PRUNE2: variants seen among roughly 807,000 people sequenced by gnomAD.
The protein encoded by PRUNE2 is protein prune homolog 2.
In PRUNE2, 164 loss-of-function variants were observed where a neutral mutation model predicts 252.0. The observed-to-expected ratio is 0.65, with a 90% confidence interval of 0.57 to 0.74. The LOEUF is 0.74. Ranked by LOEUF, PRUNE2 falls within the 30% of genes least tolerant of loss-of-function variation. The probability of loss-of-function intolerance (pLI) is 0.00; values close to 1 mark genes in which losing one functional copy is unlikely to be tolerated. For synonymous variants in PRUNE2, 1,292 were observed against 1,350.2 expected, an observed-to-expected ratio of 0.96 and a Z score of 0.94; for missense variants, 3,495 against 3,711.0, an observed-to-expected ratio of 0.94 and a Z score of 1.51.
chr9:76,878,850 C>A (rs2061602961), intron 1 of PRUNE2, among the ~76,000 whole-genome samples: 1 of 152,168 alleles, frequency 6.6e-6, no homozygotes, highest in Admixed American at 6.5e-5. Flanking sequence ...ACAAAGACTT[C>A]CCTTCTAGTC....
Position 76,710,532 on chromosome 9 carries a change from G to A in PRUNE2, c.1742C>T (p.Ser581Phe), listed in dbSNP as rs1564121680. ...ATCTGTCAGGCTCAAATTTCTTTCAGAGTTATCTCTGGGACTGTCTTGTCT... is the reference window on the plus strand; with the variant it reads ...ATCTGTCAGGCTCAAATTTCTTTCAAAGTTATCTCTGGGACTGTCTTGTCT... ...VQRQDSPRDN[S>F]ERNLSLTDFV... The change falls in exon 8 of 19, where the codon TCT (serine) becomes TTT (phenylalanine). Residue 581 changes from serine (S) to phenylalanine (F), a missense_variant. By Grantham distance (155) the Ser-to-Phe change is radical. Coordinates refer to ENST00000376718, the MANE Select transcript of PRUNE2 (RefSeq NM_015225.3). The A allele has an allele frequency of 1.2e-6, 2 of 1,613,964 alleles. No homozygotes were observed. The highest frequency in any genetic ancestry group is 4.5e-5 in the East Asian group (2 of 44,876).
chr9:76,793,357 T>C (rs988125716), intron 6 of PRUNE2, among the ~76,000 whole-genome samples: 5 of 152,196 alleles, frequency 3.3e-5, no homozygotes, highest in Non-Finnish European at 5.9e-5. Flanking sequence ...TGTAAATGTG[T>C]TCTGTAAAGG....
chr9:76,839,752 G>A (rs1179758643), intron 4 of PRUNE2, among the ~76,000 whole-genome samples: 2 of 152,234 alleles, frequency 1.3e-5, no homozygotes. Context: ...GTCAAAGAGA[G>A]GCAGAATGGA....
At chr9:76,901,541 T>A (rs1391684451) in intron 1 of PRUNE2, among the ~76,000 whole-genome samples, 3 of 152,224 alleles carry the variant, frequency 2.0e-5, no homozygotes, top group Non-Finnish European at 4.4e-5. Context: ...TTTCTTCCCA[T>A]GCAAGAGGAA....
chr9:76,706,514 G>C lies in PRUNE2; in HGVS notation c.5760C>G (p.Asp1920Glu), dbSNP rs1018183013. The change falls in exon 8 of 19, where the codon GAC becomes GAG. Residue 1920 changes from aspartate to glutamate, a missense_variant. Transcript: ENST00000376718. The part of the protein sequence containing the change: ...IQPRQPDPDA[D>E]KFSQLVKLDQ... Reference sequence around the variant, plus strand: ...CTAATTTTACAAGCTGGCTGAACTTGTCAGCATCTGGGTCTGGCTGCCTTG... The same window carrying C: ...CTAATTTTACAAGCTGGCTGAACTTCTCAGCATCTGGGTCTGGCTGCCTTG... 6.2e-7 allele frequency: 1 copy of C among 1,613,962 alleles called. No homozygotes were observed. The highest frequency in any genetic ancestry group is 8.5e-7 in the Non-Finnish European group (1 of 1,179,894).
At chr9:76,785,342 G>A (rs952999901) in intron 6 of PRUNE2, 2 of 152,188 alleles carry the variant, frequency 1.3e-5, no homozygotes, top group Non-Finnish European at 2.9e-5. Context: ...AGTGTAATTT[G>A]ATTATAAGAG....
intron 9 of PRUNE2, among the ~76,000 whole-genome samples, chr9:76,656,359 T>G (rs1297938938): frequency 1.3e-5 from 2 of 152,230 alleles, no homozygotes; most frequent in Non-Finnish European, 2.9e-5. Flanking sequence ...TCACGTAATT[T>G]CATTCACCTA....
At chr9:76,884,324 CCA>C (rs1399077305) in intron 1 of PRUNE2, among the ~76,000 whole-genome samples, 1 of 152,056 alleles carries the variant, frequency 6.6e-6, no homozygotes, top group Non-Finnish European at 1.5e-5. Flanking sequence ...AAATTTAAAC[CCA>C]CACTGAAGAA....
intron 4 of PRUNE2, among the ~76,000 whole-genome samples, chr9:76,839,456 A>G (rs1165234421): frequency 6.6e-6 from 1 of 152,242 alleles, no homozygotes; most frequent in Non-Finnish European, 1.5e-5. Flanking sequence ...TATGTAAATC[A>G]TCAAGAGTGG....
At chr9:76,886,023 CA>C (rs535220781) in intron 1 of PRUNE2, among the ~76,000 whole-genome samples, 219 of 136,834 alleles carry the variant, frequency 1.6e-3, no homozygotes, top group Middle Eastern at 3.8e-3. Flanking sequence ...ACTAAAAATA[CA>C]AAAAAAAAAA....
intron 12 of PRUNE2, among the ~76,000 whole-genome samples, chr9:76,643,524 G>A (rs2132894455): frequency 6.6e-6 from 1 of 152,330 alleles, no homozygotes; most frequent in Non-Finnish European, 1.5e-5. Flanking sequence ...AGCCAGCTGT[G>A]TGTCACTTGC....
chr9:76,731,044 A>G (rs946804200), intron 6 of PRUNE2, among the ~76,000 whole-genome samples: 1 of 152,184 alleles, frequency 6.6e-6, no homozygotes, highest in Admixed American at 6.5e-5. Context: ...GATAGAGGAA[A>G]TGATTTCACA....
rs115702369 is a variant in PRUNE2, at chr9:76,873,867, G to A, written c.37-19659C>T. 2.7e-3 allele frequency among the ~76,000 whole-genome samples: 413 copies of A among 152,226 alleles called. 3 individuals carry two copies. The highest frequency in any genetic ancestry group is 9.5e-3 in the African/African-American group (393 of 41,538). ...AAAGGCTAAGTGAACTGGGGCCACC[G>A]CAAGTACTAAAATACATGATAACAA... On this transcript the variant is annotated intron_variant, in intron 1 of 18. Transcript: ENST00000376718.
chr9:76,826,687 G>A lies in PRUNE2; in HGVS notation c.554C>T (p.Ser185Leu). The A allele has an allele frequency of 6.2e-7, 1 of 1,612,528 alleles. No homozygotes were observed. Among genetic ancestry groups the A allele is most frequent in the South Asian group, 1.1e-5 (1 of 90,726 alleles). The change falls in exon 5 of 19, where the codon TCA becomes TTA. Residue 185 changes from serine to leucine, a missense_variant. By Grantham distance (145) the Ser-to-Leu change is moderately radical (BLOSUM62 -2). Transcript: ENST00000376718. ...AGAAAGAATTTCCTCCTGCTTCTCT[G>A]AGATCTTCTCTGATTCCATGGTCAT... Reference protein sequence around the residue: ...KWMTMESEKISEKQEEILSIL... With the variant: ...KWMTMESEKILEKQEEILSIL...
chr9:76,655,391 C>T (rs771606894), intron 10 of PRUNE2, 32 bp downstream of exon 10: 2 of 1,504,864 alleles, frequency 1.3e-6, no homozygotes, highest in Non-Finnish European at 1.8e-6. Flanking sequence ...TACAGAATAC[C>T]AACGAAGGAA....
chr9:76,841,344 G>A (rs1324029633), intron 4 of PRUNE2, among the ~76,000 whole-genome samples: 1 of 152,190 alleles, frequency 6.6e-6, no homozygotes, highest in Admixed American at 6.5e-5. Flanking sequence ...TCCCTTGGAT[G>A]CCTACACCAC....
At chr9:76,866,131 A>G (rs2060827132) in intron 1 of PRUNE2, among the ~76,000 whole-genome samples, 1 of 152,206 alleles carries the variant, frequency 6.6e-6, no homozygotes, top group South Asian at 2.1e-4. Context: ...CTATTAGTAC[A>G]TGCACATCCA....
At chr9:76,743,329 C>T (rs1028870149) in intron 6 of PRUNE2, among the ~76,000 whole-genome samples, 1 of 152,088 alleles carries the variant, frequency 6.6e-6, no homozygotes, top group African/African-American at 2.4e-5. Flanking sequence ...ATAAGCATAG[C>T]ATAAGGATCA....
At chr9:76,796,513 G>A (rs1048770094) in intron 6 of PRUNE2, among the ~76,000 whole-genome samples, 3 of 152,130 alleles carry the variant, frequency 2.0e-5, no homozygotes, top group Non-Finnish European at 2.9e-5. Context: ...CCCCTGATTG[G>A]TGTCACAAGT....
Sources: allele counts gnomAD v4.1 joint callset (sites outside exome capture counted in the v4.1 genomes callset), GRCh38; gene constraint gnomAD v4.1.1; transcripts MANE v1.5; gene names NCBI Gene and HGNC (gene_info 2026-07-23, HGNC 2026-07-21).